Variants in GAS2L3 observed in about 807,000 individuals in gnomAD.
The protein encoded by GAS2L3 is growth arrest specific 2 like 3.
GAS2L3 carries 28 observed loss-of-function variants against 37.0 expected under a neutral mutation model. The ratio of observed to expected loss-of-function variants is 0.76; its 90% CI spans 0.56 to 1.04. The LOEUF is 1.04. Among genes scored for constraint, GAS2L3 ranks in the 50% least tolerant of loss-of-function variants. The probability of loss-of-function intolerance (pLI) is 0.00; values close to 1 mark genes in which losing one functional copy is unlikely to be tolerated. For missense variants in GAS2L3, 793 were observed against 817.6 expected (o/e 0.97, Z 0.37); for synonymous variants, 290 against 296.6 (o/e 0.98, Z 0.23).
rs58446699 is a variant in GAS2L3 at position 100,575,476 on chromosome 12, ATTTTTTT to A, written c.-152+1708_-152+1714del. On this transcript the variant is annotated intron_variant, in intron 1 of 9. Coordinates refer to ENST00000547754, the MANE Select transcript of GAS2L3 (RefSeq NM_174942.3). ...CTAAAATGTAGTTCATGTTATCTCT[ATTTTTTT>A]TTTTTTTTTTTTTTTTGAGACAGAG... 1.9e-4 allele frequency among the ~76,000 whole-genome samples: 17 copies of A among 88,786 alleles called. 1 individual carries two copies. Among genetic ancestry groups the A allele is most frequent in the Admixed American group, 6.1e-4 (4 of 6,544 alleles). 58.2% of individuals were successfully genotyped at this position (88,786 alleles called of 152,430 possible).
At chr12:100,611,479 C>T (rs1222072014) in intron 5 of GAS2L3, among the ~76,000 whole-genome samples, 1 of 152,100 alleles carries the variant, frequency 6.6e-6, no homozygotes, top group Non-Finnish European at 1.5e-5. Flanking sequence ...TTCTAGGAAT[C>T]ATTTTCTGGA....
At position 100,588,613 on chromosome 12, in the gene GAS2L3, C is replaced by A. The variant is rs541611700; in HGVS notation, c.-151-3123C>A. 5.3e-5 allele frequency among the ~76,000 whole-genome samples: 8 copies of A among 152,236 alleles called. No homozygotes were observed. In the South Asian group the frequency reaches 1.5e-3, roughly 28 times the overall value. ...TGAGAGCAGAGAACCAGTCTGACCA[C>A]AAATTTACCAGGGCGGAGTTTTTTC... On this transcript the variant is annotated intron_variant, in intron 1 of 9. Coordinates refer to ENST00000547754, the MANE Select transcript of GAS2L3 (RefSeq NM_174942.3).
intron 5 of GAS2L3, among the ~76,000 whole-genome samples, chr12:100,606,139 A>G (rs575094701): frequency 6.6e-6 from 1 of 152,014 alleles, no homozygotes; most frequent in South Asian, 2.1e-4. Context: ...CTTTAGCTGT[A>G]TTAATATTTG....
intron 1 of GAS2L3, among the ~76,000 whole-genome samples, chr12:100,575,710 C>A (rs113519748): frequency 3.7e-4 from 57 of 152,040 alleles, no homozygotes; most frequent in African/African-American, 1.3e-3. Flanking sequence ...GATCTCTTGA[C>A]GTCGTGTTCC....
chr12:100,618,019 T>G (rs987462957), intron 7 of GAS2L3, among the ~76,000 whole-genome samples: 1 of 152,196 alleles, frequency 6.6e-6, no homozygotes, highest in Non-Finnish European at 1.5e-5. Flanking sequence ...TCTTTTACTG[T>G]TAAACTATGG....
In GAS2L3 at chr12:100,623,987, A is replaced by AC. The variant is rs772929001; in HGVS notation, c.1184dup (p.Gln396AlafsTer19). 2 of 1,614,118 alleles carry AC rather than the reference A, an allele frequency of 1.2e-6. No homozygotes were observed. Among genetic ancestry groups the AC allele is most frequent in the Non-Finnish European group, 1.7e-6 (2 of 1,180,004 alleles). Reference sequence around the variant, plus strand: ...AGTCTTCAAAAGGCATAACGAAGAAACCGCAGGCTCCTTCAAACAATGCAT... The same window carrying AC: ...AGTCTTCAAAAGGCATAACGAAGAAACCCGCAGGCTCCTTCAAACAATGCAT... On this transcript the variant is annotated frameshift_variant, in exon 10 of 10. Coordinates refer to ENST00000547754, the MANE Select transcript of GAS2L3 (RefSeq NM_174942.3). LOFTEE classifies it low-confidence loss of function (END_TRUNC).
At position 100,604,741 on chromosome 12, in the gene GAS2L3, A is replaced by G. The variant is rs527637457; in HGVS notation, c.303+2988A>G. Among the ~76,000 whole-genome samples, 8 of 152,070 alleles carry G rather than the reference A, an allele frequency of 5.3e-5. No homozygotes were observed. In the South Asian group the frequency reaches 1.7e-3, roughly 32 times the overall value. On this transcript the variant is annotated intron_variant, in intron 5 of 9. Coordinates refer to ENST00000547754, the MANE Select transcript of GAS2L3 (RefSeq NM_174942.3). ...ATACTAGCTGTAGGTCTATCATCATATGGCTTTTATTATGCTGAGGAGTAT... is the reference window on the plus strand; with the variant it reads ...ATACTAGCTGTAGGTCTATCATCATGTGGCTTTTATTATGCTGAGGAGTAT...
At chr12:100,590,925 T>C (rs191031071) in intron 1 of GAS2L3, among the ~76,000 whole-genome samples, 143 of 150,160 alleles carry the variant, frequency 9.5e-4, no homozygotes, top group Non-Finnish European at 2.0e-3. Flanking sequence ...CTTTGGGGAC[T>C]TGGGGGGAAG....
Position 100,601,764 on chromosome 12 carries a change from G to T in GAS2L3, c.303+11G>T, listed in dbSNP as rs186255221. 3.2e-5 allele frequency: 43 copies of T among 1,355,312 alleles called. No homozygotes were observed. The Admixed American group carries it at 7.5e-4, about 24-fold the overall frequency. 84.0% of individuals were successfully genotyped at this position (1,355,312 alleles called of 1,614,324 possible). On this transcript the variant is annotated intron_variant, in intron 5 of 9. Coordinates refer to ENST00000547754, the MANE Select transcript of GAS2L3 (RefSeq NM_174942.3). ...TCTGAAGAATCAGGGGTAAGTAAATGTTCGACAGTATTGATTTTATGTCTT... is the reference window on the plus strand; with the variant it reads ...TCTGAAGAATCAGGGGTAAGTAAATTTTCGACAGTATTGATTTTATGTCTT...
At chr12:100,601,998 G>A (rs1955996284) in intron 5 of GAS2L3, among the ~76,000 whole-genome samples, 2 of 152,026 alleles carry the variant, frequency 1.3e-5, no homozygotes, top group Non-Finnish European at 2.9e-5. Flanking sequence ...GAGATTAACA[G>A]TTCCTTAGGA....
At chr12:100,621,915 GAGAGAGAGGCACTGAGAGAGAGACAGAC>G in intron 8 of GAS2L3, among the ~76,000 whole-genome samples, 1 of 151,492 alleles carries the variant, frequency 6.6e-6, no homozygotes, top group East Asian at 1.9e-4. Flanking sequence ...GAGAAAGAGA[GAGAGAGAGGCACTGAGAGAGAGACAGAC>G]AGAGAGATAC....
At chr12:100,598,612 C>A (rs1253012136) in intron 3 of GAS2L3, among the ~76,000 whole-genome samples, 3 of 152,058 alleles carry the variant, frequency 2.0e-5, no homozygotes, top group Non-Finnish European at 2.9e-5. Flanking sequence ...AAATCCCATT[C>A]TTGTTAAAAT....
intron 2 of GAS2L3, among the ~76,000 whole-genome samples, chr12:100,593,420 C>G (rs1286520685): frequency 6.6e-6 from 1 of 152,000 alleles, no homozygotes; most frequent in African/African-American, 2.4e-5. Flanking sequence ...TTCAAGTGAC[C>G]AAATATTGTG....
chr12:100,578,075 AT>A (rs1363965507), intron 1 of GAS2L3, among the ~76,000 whole-genome samples: 2 of 152,248 alleles, frequency 1.3e-5, no homozygotes, highest in African/African-American at 4.8e-5. Context: ...TGAAAAAATC[AT>A]TCTGGCTGTG....
At chr12:100,585,758 G>A (rs1447275250) in intron 1 of GAS2L3, among the ~76,000 whole-genome samples, 1 of 152,108 alleles carries the variant, frequency 6.6e-6, no homozygotes, top group Admixed American at 6.5e-5. Flanking sequence ...CCAAATATAT[G>A]TCAGATCCAT....
intron 1 of GAS2L3, among the ~76,000 whole-genome samples, chr12:100,586,438 T>G (rs1427454858): frequency 6.6e-6 from 1 of 152,176 alleles, no homozygotes; most frequent in Non-Finnish European, 1.5e-5. Flanking sequence ...CCTTCAAAAC[T>G]GTGCAAACAC....
intron 1 of GAS2L3, among the ~76,000 whole-genome samples, chr12:100,583,385 G>A (rs542084874): frequency 3.3e-5 from 5 of 152,232 alleles, no homozygotes; most frequent in Admixed American, 6.5e-5. Flanking sequence ...TGCCCACTGG[G>A]GCAGTTGTAT....
chr12:100,606,266 G>A (rs1193754021), intron 5 of GAS2L3, among the ~76,000 whole-genome samples: 3 of 151,788 alleles, frequency 2.0e-5, no homozygotes, highest in Non-Finnish European at 2.9e-5. Flanking sequence ...CTTCTTATGG[G>A]TTTTGTCTTA....
At chr12:100,577,771 G>T (rs542209920) in intron 1 of GAS2L3, among the ~76,000 whole-genome samples, 52 of 152,332 alleles carry the variant, frequency 3.4e-4, no homozygotes, top group African/African-American at 1.3e-3. Context: ...ATGATTCAGG[G>T]AAGACTTTGG....
Sources: gnomAD v4.1 joint callset for allele counts (sites outside exome capture counted in the v4.1 genomes callset) on GRCh38, gnomAD v4.1.1 for gene constraint, MANE v1.5 for transcripts, NCBI Gene and HGNC (gene_info 2026-07-23, HGNC 2026-07-21) for gene names.